Variants in CNIH1 observed in about 807,000 individuals in gnomAD.
The protein encoded by CNIH1 is cornichon family member 1, also known as protein cornichon homolog 1.
Under a neutral mutation model 20.2 loss-of-function variants are expected in CNIH1, and 12 were observed. The observed-to-expected ratio is 0.59, with a 90% CI of 0.38 to 0.96. The LOEUF (loss-of-function observed/expected upper bound fraction) is 0.96, where lower values mean the gene tolerates loss of function less well. CNIH1 is among the 40% of genes least tolerant of loss of function. CNIH1 has a pLI of 0.00. For synonymous variants in CNIH1, 69 were observed against 63.3 expected (o/e 1.09, Z -0.43); for missense variants, 152 against 178.8 (o/e 0.85, Z 0.85).
chr14:54,436,153 T>C (rs1453054854), intron 2 of CNIH1: 4 of 704,610 alleles, frequency 5.7e-6, no homozygotes, highest in Non-Finnish European at 1.0e-5. Flanking sequence ...AAAAAGCAGA[T>C]TGGAAGAATG....
At position 54,441,303 on chromosome 14, in the gene CNIH1, A is replaced by T; in HGVS notation, c.25T>A (p.Cys9Ser). The change falls in exon 1 of 5, where the codon TGC becomes AGC. Residue 9 changes from cysteine (C) to serine (S), a missense_variant. Transcript: ENST00000216416. MAFTFAAF[C>S]YMLALLLTAA... is the part of the protein sequence containing the mutation. The stretch of plus-strand genomic sequence containing the variant: ...GTGAGCAGCAGCGCCAGCATGTAGC[A>T]GAAGGCCGCGAACGTGAACGCCATG... The T allele has an allele frequency of 1.3e-6, 2 of 1,518,440 alleles. No individual in the cohort carries two copies. The highest frequency in any genetic ancestry group is 1.8e-6 in the Non-Finnish European group (2 of 1,129,604). 94.1% of individuals were successfully genotyped at this position (1,518,440 alleles called of 1,614,324 possible). A position where few individuals can be genotyped will look rare whatever the true frequency, so the allele number is the denominator to read the frequency against.
chr14:54,436,273 T>C, intron 2 of CNIH1, 96 bp downstream of exon 2: 1 of 766,478 alleles, frequency 1.3e-6, no homozygotes, highest in Non-Finnish European at 2.3e-6. Flanking sequence ...TACAAATATA[T>C]TATGCTACTC....
rs768199347 is a variant in CNIH1, at chr14:54,430,350, G to A, written c.318C>T (p.Ile106=). 15 of 1,613,866 alleles carry A rather than the reference G, an allele frequency of 9.3e-6. No homozygotes were observed. The East Asian group carries it at 3.1e-4, about 34-fold the overall frequency. The change falls in exon 4 of 5, where the codon ATC becomes ATT. Residue 106 remains isoleucine, a synonymous_variant. Transcript: ENST00000216416. ...SGPGLYDPTT[I]MNADILAYCQ... ...AATATGCTAGAATATCTGCATTCAT[G>A]ATGGTTGTAGGGTCATAGAGTCCTG...
intron 3 of CNIH1, among the ~76,000 whole-genome samples, chr14:54,430,787 T>A (rs1211195687): frequency 5.9e-5 from 9 of 152,196 alleles, no homozygotes; most frequent in Non-Finnish European, 1.5e-5. Context: ...TCTCCTTCTC[T>A]TTCTCATTCT....
chr14:54,424,131 T>A lies in CNIH1; in HGVS notation c.*3683A>T, dbSNP rs1367520111. 6.6e-6 allele frequency: 1 copy of A among 152,254 alleles called. No homozygotes were observed. Among genetic ancestry groups the A allele is most frequent in the Non-Finnish European group, 1.5e-5 (1 of 68,036 alleles). 9.4% of individuals were successfully genotyped at this position (152,254 alleles called of 1,614,324 possible). A position where few individuals can be genotyped will look rare whatever the true frequency, so the allele number is the denominator to read the frequency against. ...TTCAGAACCATCTTCCAAGCTATAC[T>A]GGTAGCACCACAGACTTACTAGCTG... On this transcript the variant is annotated 3_prime_UTR_variant, in exon 5 of 5. Transcript: ENST00000216416.
chr14:54,429,848 T>C (rs1453041562), intron 4 of CNIH1, among the ~76,000 whole-genome samples: 1 of 151,724 alleles, frequency 6.6e-6, no homozygotes, highest in Non-Finnish European at 1.5e-5. Context: ...AATCAGAAAA[T>C]AAAGGGCAGA....
At chr14:54,436,612 A>G (rs1047071953) in intron 1 of CNIH1, 175 bp from the exon 2 acceptor site, 11 of 586,120 alleles carry the variant, frequency 1.9e-5, no homozygotes, top group Non-Finnish European at 3.0e-5. Context: ...AATGCGATTT[A>G]AAGTGAAAAC....
chr14:54,429,128 TAAAG>T lies in CNIH1; in HGVS notation c.407+1129_407+1132del, dbSNP rs1277037381. Reference sequence around the variant, plus strand: ...TGTGTAAAAGTATATTCACATAGCTTAAAGAAATATATAATTCTACATTTAACAG... The same window carrying T: ...TGTGTAAAAGTATATTCACATAGCTTAAATATATAATTCTACATTTAACAG... On this transcript the variant is annotated intron_variant, in intron 4 of 4. Transcript: ENST00000216416. Among the ~76,000 whole-genome samples, 4 of 152,354 alleles carry T rather than the reference TAAAG, an allele frequency of 2.6e-5. No homozygotes were observed. The East Asian group carries it at 7.7e-4, about 29-fold the overall frequency.
intron 4 of CNIH1, among the ~76,000 whole-genome samples, chr14:54,428,791 G>A (rs551363261): frequency 2.6e-5 from 4 of 152,310 alleles, no homozygotes; most frequent in African/African-American, 7.2e-5. Flanking sequence ...AGTAATATCT[G>A]CATATGCACT....
chr14:54,440,757 G>C (rs2031153920), intron 1 of CNIH1, among the ~76,000 whole-genome samples: 1 of 152,224 alleles, frequency 6.6e-6, no homozygotes, highest in South Asian at 2.1e-4. Flanking sequence ...CACCGAACAA[G>C]TGCTGAAAAG....
chr14:54,432,170 A>G lies in CNIH1; in HGVS notation c.201T>C (p.Leu67=). ...CCAGTGTAAGCCACTCTGCTGCACA[A>G]AGAAACATGACACAGAAGAAAGCGT... ...LIHAFFCVMF[L]CAAEWLTLGL... is the part of the protein sequence containing the mutation. Residue 67 remains leucine (L), a synonymous_variant, in exon 3 of 5, where the codon CTT becomes CTC. Coordinates refer to ENST00000216416, the MANE Select transcript of CNIH1 (RefSeq NM_005776.3). 6.4e-7 allele frequency: 1 copy of G among 1,569,340 alleles called. No homozygotes were observed. Among genetic ancestry groups the G allele is most frequent in the Non-Finnish European group, 8.6e-7 (1 of 1,156,198 alleles).
At position 54,441,352 on chromosome 14, in the gene CNIH1, G is replaced by A. The variant is rs990642238; in HGVS notation, c.-25C>T. The A allele has an allele frequency of 2.7e-6, 4 of 1,482,718 alleles. No individual in the cohort carries two copies. Among genetic ancestry groups the A allele is most frequent in the East Asian group, 2.8e-5 (1 of 35,526 alleles). The allele number at this position is 1,482,718 out of a possible 1,614,324, so 91.8% of individuals were successfully genotyped here. On this transcript the variant is annotated 5_prime_UTR_variant, in exon 1 of 5. Coordinates refer to ENST00000216416, the MANE Select transcript of CNIH1 (RefSeq NM_005776.3). ...TGGCTGGGGAGGAGGAGCGGGGAGC[G>A]GCGCCGTTGCCAGCGGAGAAAGGCG...
chr14:54,424,225 T>TA lies in CNIH1; in HGVS notation c.*3588dup. On this transcript the variant is annotated 3_prime_UTR_variant, in exon 5 of 5. Transcript: ENST00000216416. ...TAAAATGATCTAAGGCTAGCATGAT[T>TA]AATAGTTTCCAAAAAGGATGAACAT... 6.6e-6 allele frequency: 1 copy of TA among 152,340 alleles called. No homozygotes were observed. The highest frequency in any genetic ancestry group is 2.1e-4 in the South Asian group (1 of 4,828). 9.4% of individuals were successfully genotyped at this position (152,340 alleles called of 1,614,324 possible).
chr14:54,430,998 ATT>A (rs1288851946), intron 3 of CNIH1, among the ~76,000 whole-genome samples: 1 of 151,552 alleles, frequency 6.6e-6, no homozygotes, highest in Non-Finnish European at 1.5e-5. Flanking sequence ...TGCTTAGCTA[ATT>A]TTTTTTGTAG....
chr14:54,439,683 G>C (rs1327710441), intron 1 of CNIH1, among the ~76,000 whole-genome samples: 1 of 151,880 alleles, frequency 6.6e-6, no homozygotes. Flanking sequence ...CCGAGTAGCT[G>C]GGATTACAGG....
chr14:54,430,989 G>A (rs911740125), intron 3 of CNIH1, among the ~76,000 whole-genome samples: 3 of 151,944 alleles, frequency 2.0e-5, no homozygotes, highest in East Asian at 1.9e-4. Flanking sequence ...ACGCCACCAT[G>A]CTTAGCTAAT....
At position 54,432,143 on chromosome 14, in the gene CNIH1, AC is replaced by A; in HGVS notation, c.227del (p.Gly76ValfsTer15). ...GATATGCCAAGAGGGGCATATTGAG[AC>A]CCAGTGTAAGCCACTCTGCTGCACA... ...FLCAAEWLTL[G>X]LNMPLLAYHI... On this transcript the variant is annotated frameshift_variant, in exon 3 of 5. Coordinates refer to ENST00000216416, the MANE Select transcript of CNIH1 (RefSeq NM_005776.3). LOFTEE classifies it high-confidence loss of function. 6.4e-7 allele frequency: 1 copy of A among 1,564,392 alleles called. No homozygotes were observed. Among genetic ancestry groups the A allele is most frequent in the Non-Finnish European group, 8.7e-7 (1 of 1,153,940 alleles).
intron 1 of CNIH1, among the ~76,000 whole-genome samples, chr14:54,439,648 A>G (rs1016653130): frequency 1.3e-5 from 2 of 151,896 alleles, no homozygotes; most frequent in African/African-American, 4.8e-5. Context: ...CCTGGGTTCA[A>G]GTGATTCTCC....
rs376569437 is a variant in CNIH1 at position 54,441,328 on chromosome 14, G to A, written c.-1C>T. ...AGAAGGCCGCGAACGTGAACGCCAT[G>A]GCTGGGGAGGAGGAGCGGGGAGCGG... On this transcript the variant is annotated 5_prime_UTR_variant, in exon 1 of 5. Transcript: ENST00000216416. The A allele has an allele frequency of 9.2e-5, 139 of 1,504,126 alleles. No individual in the cohort carries two copies. In the African/African-American group the frequency reaches 1.7e-3, roughly 18 times the overall value. The allele number at this position is 1,504,126 out of a possible 1,614,324, so 93.2% of individuals were successfully genotyped here.
Sources: gnomAD v4.1 joint callset for allele counts (sites outside exome capture counted in the v4.1 genomes callset) on GRCh38, gnomAD v4.1.1 for gene constraint, MANE v1.5 for transcripts, NCBI Gene and HGNC (gene_info 2026-07-23, HGNC 2026-07-21) for gene names.